The following JAM3 variants were observed in gnomAD, a reference collection of about 807,000 sequenced individuals.
JAM3 encodes junctional adhesion molecule C.
JAM3 carries 31 observed loss-of-function variants against 39.4 expected under a neutral mutation model. That is an observed-to-expected ratio of 0.79 (90% CI 0.59 to 1.06). JAM3 has a LOEUF of 1.06. Among genes scored for constraint, JAM3 ranks in the 50% least tolerant of loss-of-function variants. JAM3 has a pLI of 0.00. For missense variants in JAM3, 455 were observed against 391.4 expected (o/e 1.16, Z -1.37); for synonymous variants, 182 against 148.7 (o/e 1.22, Z -1.63).
At chr11:134,125,575 C>T (rs1391458623) in intron 1 of JAM3, among the ~76,000 whole-genome samples, 3 of 152,096 alleles carry the variant, frequency 2.0e-5, no homozygotes, top group Non-Finnish European at 4.4e-5. Context: ...TACTTGTAGC[C>T]ATTGACCTCG....
intron 6 of JAM3, among the ~76,000 whole-genome samples, chr11:134,146,859 G>A (rs1167398253): frequency 6.6e-6 from 1 of 152,198 alleles, no homozygotes; most frequent in Non-Finnish European, 1.5e-5. Flanking sequence ...GAGCCACTGT[G>A]CCCAGCCAGG....
chr11:134,095,176 T>C (rs1941955597), intron 1 of JAM3, among the ~76,000 whole-genome samples: 1 of 152,224 alleles, frequency 6.6e-6, no homozygotes, highest in African/African-American at 2.4e-5. Context: ...AAACCAGCAT[T>C]GTTTCCCCAC....
intron 1 of JAM3, among the ~76,000 whole-genome samples, chr11:134,092,523 T>G (rs1239707213): frequency 6.7e-6 from 1 of 149,542 alleles, no homozygotes; most frequent in Non-Finnish European, 1.5e-5. Context: ...GAGCCCTCTT[T>G]ATTCATCATG....
chr11:134,100,322 C>T (rs1942051662), intron 1 of JAM3, among the ~76,000 whole-genome samples: 1 of 152,174 alleles, frequency 6.6e-6, no homozygotes, highest in African/African-American at 2.4e-5. Flanking sequence ...GTGTTCTTTG[C>T]TGCTTTCCAC....
At chr11:134,121,271 T>A (rs1942527552) in intron 1 of JAM3, among the ~76,000 whole-genome samples, 1 of 152,228 alleles carries the variant, frequency 6.6e-6, no homozygotes, top group Non-Finnish European at 1.5e-5. Flanking sequence ...GGAAGGTCTC[T>A]CAAAACTGAA....
chr11:134,098,284 C>CAG (rs1942017781), intron 1 of JAM3, among the ~76,000 whole-genome samples: 1 of 152,094 alleles, frequency 6.6e-6, no homozygotes, highest in South Asian at 2.1e-4. Flanking sequence ...AGTTCAACTT[C>CAG]AGAGAGGAAA....
intron 1 of JAM3, among the ~76,000 whole-genome samples, chr11:134,081,326 G>A (rs1437457991): frequency 6.6e-6 from 1 of 152,238 alleles, no homozygotes; most frequent in Non-Finnish European, 1.5e-5. Flanking sequence ...TTCAGGGCAT[G>A]TCAGAGGTCT....
intron 1 of JAM3, among the ~76,000 whole-genome samples, chr11:134,116,172 A>G (rs1402359387): frequency 6.6e-6 from 1 of 152,196 alleles, no homozygotes; most frequent in African/African-American, 2.4e-5. Flanking sequence ...TTGTGGATGT[A>G]TGCTAAAATT....
At chr11:134,119,077 C>G (rs1464274923) in intron 1 of JAM3, among the ~76,000 whole-genome samples, 2 of 151,150 alleles carry the variant, frequency 1.3e-5, no homozygotes, top group Admixed American at 1.3e-4. Flanking sequence ...CAAGCAAGCA[C>G]ATCGGCTAAT....
rs958764347 is a variant in JAM3 at position 134,148,411 on chromosome 11, C to T, written c.713-136C>T. Reference sequence around the variant, plus strand: ...GCTAGAAGGATTGTAAGTGTTCTCTCTTCTAGCTGGGGTAGGCCTGAGGGG... The same window carrying T: ...GCTAGAAGGATTGTAAGTGTTCTCTTTTCTAGCTGGGGTAGGCCTGAGGGG... On this transcript the variant is annotated intron_variant, in intron 6 of 8. Transcript: ENST00000299106. 4.0e-6 allele frequency: 4 copies of T among 999,776 alleles called. No homozygotes were observed. In the Admixed American group the frequency reaches 5.4e-5, roughly 14 times the overall value. 61.9% of individuals were successfully genotyped at this position (999,776 alleles called of 1,614,324 possible).
intron 1 of JAM3, among the ~76,000 whole-genome samples, chr11:134,069,764 A>G (rs1208538148): frequency 2.0e-5 from 3 of 152,150 alleles, no homozygotes; most frequent in African/African-American, 7.2e-5. Context: ...AGGACCGGCG[A>G]GGCAGAGCTC....
At chr11:134,097,108 C>G (rs1170171434) in intron 1 of JAM3, among the ~76,000 whole-genome samples, 2 of 152,100 alleles carry the variant, frequency 1.3e-5, no homozygotes, top group African/African-American at 4.8e-5. Flanking sequence ...TTCTTGTCCC[C>G]TCCACACCCC....
intron 3 of JAM3, among the ~76,000 whole-genome samples, chr11:134,142,506 G>A (rs139227715): frequency 1.3e-5 from 2 of 152,280 alleles, no homozygotes; most frequent in African/African-American, 2.4e-5. Flanking sequence ...CAGGTTTAGC[G>A]ATGAGTAGTT....
At chr11:134,123,147 A>T (rs1419497930) in intron 1 of JAM3, among the ~76,000 whole-genome samples, 1 of 152,250 alleles carries the variant, frequency 6.6e-6, no homozygotes, top group Non-Finnish European at 1.5e-5. Context: ...ACACCCTTTC[A>T]TCAGTAAAGA....
chr11:134,121,076 G>A (rs532613191), intron 1 of JAM3, among the ~76,000 whole-genome samples: 1 of 152,300 alleles, frequency 6.6e-6, no homozygotes, highest in Admixed American at 6.5e-5. Context: ...ATGGGGCTGT[G>A]CATAGCGTCA....
intron 1 of JAM3, among the ~76,000 whole-genome samples, chr11:134,073,632 G>A (rs1041220760): frequency 6.6e-6 from 1 of 152,182 alleles, no homozygotes; most frequent in African/African-American, 2.4e-5. Flanking sequence ...TGCTAGGGTT[G>A]CAAAATGGGT....
intron 1 of JAM3, among the ~76,000 whole-genome samples, chr11:134,136,676 G>T (rs543327989): frequency 2.7e-4 from 41 of 152,252 alleles, no homozygotes; most frequent in African/African-American, 9.9e-4. Context: ...GTCTTCCTGG[G>T]ATATACTGCC....
At chr11:134,073,869 T>C (rs911175484) in intron 1 of JAM3, among the ~76,000 whole-genome samples, 4 of 152,206 alleles carry the variant, frequency 2.6e-5, no homozygotes, top group Non-Finnish European at 5.9e-5. Context: ...AACACTCTCT[T>C]TGTGTCGAGG....
chr11:134,103,497 A>G (rs7924760), intron 1 of JAM3, among the ~76,000 whole-genome samples: 23,203 of 152,178 alleles, frequency 0.15, 1,928 homozygotes, highest in African/African-American at 0.22. Flanking sequence ...GACAGGATCA[A>G]ATTCACACAT....
Sources: gnomAD v4.1 joint callset for allele counts (sites outside exome capture counted in the v4.1 genomes callset) on GRCh38, gnomAD v4.1.1 for gene constraint, MANE v1.5 for transcripts, NCBI Gene and HGNC (gene_info 2026-07-23, HGNC 2026-07-21) for gene names.